SH3BP4: variants seen among roughly 807,000 people sequenced by gnomAD.
The protein encoded by SH3BP4 is SH3 domain binding protein 4, also known as SH3 domain-binding protein 4.
A neutral mutation model predicts 65.5 loss-of-function variants in SH3BP4; 33 were observed. The observed-to-expected ratio is 0.50, with a 90% CI of 0.38 to 0.67. SH3BP4 has a LOEUF of 0.67. Among genes scored for constraint, SH3BP4 ranks in the 30% least tolerant of loss-of-function variants. SH3BP4 has a pLI of 0.00. For missense variants in SH3BP4, 1,134 were observed against 1,261.4 expected, an observed-to-expected ratio of 0.90 and a Z score of 1.53; for synonymous variants, 552 against 545.5, an observed-to-expected ratio of 1.01 and a Z score of -0.17.
At chr2:235,037,433 C>T (rs575837791) in intron 3 of SH3BP4, among the ~76,000 whole-genome samples, 102 of 152,328 alleles carry the variant, frequency 6.7e-4, no homozygotes, top group Non-Finnish European at 1.2e-3. Context: ...GTGACCATTT[C>T]TCTTCCAAGG....
rs530655253 is a variant in SH3BP4 at position 234,974,867 on chromosome 2, G to A, written c.-206-20436G>A. On this transcript the variant is annotated intron_variant, in intron 1 of 5. Transcript: ENST00000392011. This position sits in a 1 kb window ranked among gnomAD's most constrained non-coding sequence, Gnocchi z 4.6. ...CCACACTGGGGGTGCTGCAGGTCGCGTTTCACCCTGGCACGCCCTGCCTGC... is the reference window on the plus strand; with the variant it reads ...CCACACTGGGGGTGCTGCAGGTCGCATTTCACCCTGGCACGCCCTGCCTGC... Among the ~76,000 whole-genome samples the A allele has an allele frequency of 1.8e-4, 27 of 152,248 alleles. No homozygotes were observed. Among genetic ancestry groups the A allele is most frequent in the African/African-American group, 6.3e-4 (26 of 41,554 alleles).
Position 235,054,077 on chromosome 2 carries a change from C to T in SH3BP4, c.*261C>T, listed in dbSNP as rs1003892513. 2.2e-5 allele frequency: 9 copies of T among 413,316 alleles called. No individual in the cohort carries two copies. Among genetic ancestry groups the T allele is most frequent in the African/African-American group, 1.2e-4 (6 of 50,902 alleles). The allele number at this position is 413,316 out of a possible 1,614,324, so 25.6% of individuals were successfully genotyped here. A position where few individuals can be genotyped will look rare whatever the true frequency, so the allele number is the denominator to read the frequency against. The stretch of plus-strand genomic sequence containing the variant: ...TTTAAATTTAAAATCACTTTTTTAA[C>T]GAATGGGGGGAAGGGATCTATGAGA... On this transcript the variant is annotated 3_prime_UTR_variant, in exon 6 of 6. Coordinates refer to ENST00000392011, the MANE Select transcript of SH3BP4 (RefSeq NM_014521.3).
chr2:234,984,871 G>T (rs1226198540), intron 1 of SH3BP4, among the ~76,000 whole-genome samples: 1 of 152,168 alleles, frequency 6.6e-6, no homozygotes, highest in Non-Finnish European at 1.5e-5. Flanking sequence ...AGGGTGAGAA[G>T]AGGGAAGAGG....
chr2:235,033,762 G>A lies in SH3BP4; in HGVS notation c.-132-1109G>A, dbSNP rs139175813. 2.0e-5 allele frequency among the ~76,000 whole-genome samples: 3 copies of A among 152,190 alleles called. No homozygotes were observed. The highest frequency in any genetic ancestry group is 4.8e-5 in the African/African-American group (2 of 41,446). On this transcript the variant is annotated intron_variant, in intron 2 of 5. Transcript: ENST00000392011. This position sits in a 1 kb window ranked among gnomAD's most constrained non-coding sequence, Gnocchi z 5.7. ...ACATGGAGCCTGGGGGAAGAGTGGG[G>A]ATGGTCAGGGCTCCCACCCGGCTGC...
intron 2 of SH3BP4, among the ~76,000 whole-genome samples, chr2:235,014,224 C>T (rs918614643): frequency 6.6e-6 from 1 of 152,116 alleles, no homozygotes; most frequent in South Asian, 2.1e-4. Context: ...GAATGTTTGG[C>T]GAGCAGGATC....
intron 2 of SH3BP4, among the ~76,000 whole-genome samples, chr2:235,002,804 C>T (rs1376318044): frequency 2.6e-5 from 4 of 152,190 alleles, no homozygotes; most frequent in South Asian, 2.1e-4. Context: ...ATCCCAGTGC[C>T]GTGACATAGG....
intron 2 of SH3BP4, among the ~76,000 whole-genome samples, chr2:235,029,547 C>G (rs1406247743): frequency 6.6e-6 from 1 of 152,144 alleles, no homozygotes; most frequent in South Asian, 2.1e-4. Context: ...TAGCCACACC[C>G]ACAAACACAC....
In SH3BP4 at chr2:235,043,095, C is replaced by T. The variant is rs1261307423; in HGVS notation, c.2326C>T (p.Leu776=). ...ISSWRSFADA[L]GYVNLPLTFF... is the part of the protein sequence containing the mutation. ...CAGCTGGCGCTCCTTCGCTGACGCC[C>T]TGGGCTACGTGAACCTGCCGCTCAC... Residue 776 remains leucine, a synonymous_variant, in exon 4 of 6, where the codon CTG becomes TTG. Transcript: ENST00000392011. The T allele has an allele frequency of 2.5e-6, 4 of 1,613,528 alleles. No individual in the cohort carries two copies. The highest frequency in any genetic ancestry group is 3.4e-6 in the Non-Finnish European group (4 of 1,179,968).
In SH3BP4 at chr2:235,041,272, A is replaced by G. The variant is rs767909036; in HGVS notation, c.503A>G (p.Asn168Ser). 23 of 1,614,078 alleles carry G rather than the reference A, an allele frequency of 1.4e-5. No homozygotes were observed. The highest frequency in any genetic ancestry group is 2.2e-5 in the East Asian group (1 of 44,882). The change falls in exon 4 of 6, where the codon AAT (asparagine) becomes AGT (serine). Residue 168 changes from asparagine (N) to serine (S), a missense_variant. By Grantham distance (46) the Asn-to-Ser change is conservative. Coordinates refer to ENST00000392011, the MANE Select transcript of SH3BP4 (RefSeq NM_014521.3). The surrounding 1 kb of genome is among the most constrained non-coding windows in gnomAD (Gnocchi z 6.0). ...CCTTTCTGGAATGGGGTCCAGACCAATCCATTTCTGAATGGGAACGTGCCC... is the reference window on the plus strand; with the variant it reads ...CCTTTCTGGAATGGGGTCCAGACCAGTCCATTTCTGAATGGGAACGTGCCC... Reference protein sequence around the residue: ...NNPFWNGVQTNPFLNGNVPVM... With the variant: ...NNPFWNGVQTSPFLNGNVPVM...
At chr2:234,960,893 GT>G (rs1194750774) in intron 1 of SH3BP4, among the ~76,000 whole-genome samples, 2 of 152,132 alleles carry the variant, frequency 1.3e-5, no homozygotes, top group Non-Finnish European at 2.9e-5. Flanking sequence ...TTCTTACATT[GT>G]TTTTTGTTTC....
intron 3 of SH3BP4, among the ~76,000 whole-genome samples, chr2:235,040,484 C>G (rs1224971269): frequency 6.6e-6 from 1 of 151,262 alleles, no homozygotes; most frequent in Non-Finnish European, 1.5e-5. Context: ...CCTAACTCAC[C>G]GTGTCACCGT....
intron 3 of SH3BP4, among the ~76,000 whole-genome samples, chr2:235,037,507 T>G (rs892609310): frequency 2.0e-5 from 3 of 152,196 alleles, no homozygotes; most frequent in African/African-American, 7.2e-5. Context: ...TGAATGATAA[T>G]TCTCATTGAT....
At chr2:235,028,897 G>A (rs1334814777) in intron 2 of SH3BP4, among the ~76,000 whole-genome samples, 1 of 152,158 alleles carries the variant, frequency 6.6e-6, no homozygotes, top group African/African-American at 2.4e-5. Context: ...GACCAGAAGA[G>A]TCAAGTGGAG....
In SH3BP4 at chr2:234,978,460, A is replaced by G. The variant is rs988151923; in HGVS notation, c.-206-16843A>G. Reference sequence around the variant, plus strand: ...TTTTCCTGCGCCCCACACTGCCCCAAGGCCCCACTGGTCATCCGTCCAGCA... The same window carrying G: ...TTTTCCTGCGCCCCACACTGCCCCAGGGCCCCACTGGTCATCCGTCCAGCA... On this transcript the variant is annotated intron_variant, in intron 1 of 5. Transcript: ENST00000392011. This position sits in a 1 kb window ranked among gnomAD's most constrained non-coding sequence, Gnocchi z 4.1. Among the ~76,000 whole-genome samples, 2 of 152,154 alleles carry G rather than the reference A, an allele frequency of 1.3e-5. No homozygotes were observed. The highest frequency in any genetic ancestry group is 2.4e-5 in the African/African-American group (1 of 41,434).
At chr2:234,983,864 C>T (rs887997067) in intron 1 of SH3BP4, among the ~76,000 whole-genome samples, 77 of 152,330 alleles carry the variant, frequency 5.1e-4, no homozygotes, top group African/African-American at 1.8e-3. Flanking sequence ...TCGGAGCCTC[C>T]AGAAGGCACT....
At chr2:234,965,882 G>T (rs562203336) in intron 1 of SH3BP4, among the ~76,000 whole-genome samples, 89 of 152,330 alleles carry the variant, frequency 5.8e-4, no homozygotes, top group African/African-American at 1.9e-3. Flanking sequence ...CAGGTTGTTT[G>T]TGGTTGTCCT....
chr2:234,970,297 G>GGC (rs1443590475), intron 1 of SH3BP4, among the ~76,000 whole-genome samples: 1 of 152,182 alleles, frequency 6.6e-6, no homozygotes, highest in Non-Finnish European at 1.5e-5. Flanking sequence ...TGTAAACCTT[G>GGC]GCGGGACTTC....
At chr2:235,027,145 C>T (rs1695026786) in intron 2 of SH3BP4, among the ~76,000 whole-genome samples, 1 of 152,252 alleles carries the variant, frequency 6.6e-6, no homozygotes, top group South Asian at 2.1e-4. Context: ...CCTGCCAAGC[C>T]ACGCCCAGAA....
intron 1 of SH3BP4, among the ~76,000 whole-genome samples, chr2:234,987,881 T>C (rs1180527008): frequency 6.6e-6 from 1 of 152,118 alleles, no homozygotes; most frequent in Non-Finnish European, 1.5e-5. Context: ...TGCAGGTCTT[T>C]TCTGAGTGTG....
Sources: allele counts gnomAD v4.1 joint callset (sites outside exome capture counted in the v4.1 genomes callset), GRCh38; gene constraint gnomAD v4.1.1; non-coding constraint Gnocchi (gnomAD v3.1); transcripts MANE v1.5; gene names NCBI Gene and HGNC (gene_info 2026-07-23, HGNC 2026-07-21).